SLC24A2: variants seen among roughly 807,000 people sequenced by gnomAD.
SLC24A2 encodes the protein sodium/potassium/calcium exchanger 2.
Under a neutral mutation model 62.0 loss-of-function variants are expected in SLC24A2, and 36 were observed. The ratio of observed to expected loss-of-function variants is 0.58; its 90% CI spans 0.44 to 0.77. The LOEUF (loss-of-function observed/expected upper bound fraction) is 0.77, where lower values mean the gene tolerates loss of function less well. Ranked by LOEUF, SLC24A2 falls within the 30% of genes least tolerant of loss-of-function variation. SLC24A2 has a pLI of 0.00. For missense variants in SLC24A2, 846 were observed against 817.9 expected, an observed-to-expected ratio of 1.03 and a Z score of -0.42; for synonymous variants, 358 against 294.0, an observed-to-expected ratio of 1.22 and a Z score of -2.23.
chr9:19,655,154 T>C (rs1048916238), intron 2 of SLC24A2, among the ~76,000 whole-genome samples: 4 of 152,204 alleles, frequency 2.6e-5, no homozygotes, highest in Non-Finnish European at 5.9e-5. Flanking sequence ...AATTCAGAAG[T>C]ATGGAAAAAT....
chr9:20,060,626 C>A, the SLC24A2 span, among the ~76,000 whole-genome samples: 1 of 151,968 alleles, frequency 6.6e-6, no homozygotes, highest in Non-Finnish European at 1.5e-5. Flanking sequence ...CTCAACAAAC[C>A]AGGAATAGAA....
chr9:20,262,743 C>T, the SLC24A2 span, among the ~76,000 whole-genome samples: 41 of 152,308 alleles, frequency 2.7e-4, no homozygotes, highest in South Asian at 8.3e-4. Context: ...CCCCTGGCTC[C>T]CTGAATGAAC....
the SLC24A2 span, among the ~76,000 whole-genome samples, chr9:19,819,459 C>G: frequency 0.84 from 127,363 of 152,088 alleles, 54,516 homozygotes; most frequent in Non-Finnish European, 0.94. Context: ...TCTGACAAAG[C>G]ACTAATACCA....
chr9:19,687,541 C>A (rs949263582), intron 2 of SLC24A2, among the ~76,000 whole-genome samples: 2 of 152,012 alleles, frequency 1.3e-5, no homozygotes, highest in Non-Finnish European at 2.9e-5. Context: ...TTCCTCACAC[C>A]GTTCACATTC....
At chr9:19,711,780 ATC>A (rs1275884640) in intron 2 of SLC24A2, among the ~76,000 whole-genome samples, 2 of 152,198 alleles carry the variant, frequency 1.3e-5, no homozygotes, top group Non-Finnish European at 2.9e-5. Context: ...TTAGAACAAA[ATC>A]TCTGTTGTGT....
chr9:19,608,903 T>C (rs1288592839), intron 4 of SLC24A2, among the ~76,000 whole-genome samples: 3 of 152,174 alleles, frequency 2.0e-5, no homozygotes, highest in African/African-American at 7.2e-5. Context: ...TGCCTGCTCA[T>C]CTCAAAGGAA....
chr9:20,270,369 G>A, the SLC24A2 span, among the ~76,000 whole-genome samples: 1 of 152,270 alleles, frequency 6.6e-6, no homozygotes, highest in East Asian at 1.9e-4. Context: ...ATAATGGTAA[G>A]GAGTTTCCTG....
intron 5 of SLC24A2, among the ~76,000 whole-genome samples, chr9:19,585,542 T>G (rs2132873460): frequency 1.3e-5 from 2 of 152,338 alleles, no homozygotes; most frequent in Non-Finnish European, 2.9e-5. Context: ...TATGTGTGCT[T>G]ATGGCTACTA....
the SLC24A2 span, among the ~76,000 whole-genome samples, chr9:20,167,929 T>C: frequency 6.6e-6 from 1 of 151,742 alleles, no homozygotes; most frequent in Non-Finnish European, 1.5e-5. Context: ...TTTTAGGCTT[T>C]ACCTCTCCCT....
the SLC24A2 span, among the ~76,000 whole-genome samples, chr9:20,127,310 A>G: frequency 3.3e-5 from 5 of 152,070 alleles, no homozygotes; most frequent in Non-Finnish European, 7.4e-5. Context: ...TGATTTTAAT[A>G]TTTTTTTGAA....
the SLC24A2 span, among the ~76,000 whole-genome samples, chr9:20,052,852 C>A: frequency 6.6e-6 from 1 of 152,114 alleles, no homozygotes; most frequent in East Asian, 1.9e-4. Flanking sequence ...TTAGAGACTT[C>A]CTGGGGCATC....
the SLC24A2 span, among the ~76,000 whole-genome samples, chr9:19,891,523 G>A: frequency 6.6e-6 from 1 of 152,132 alleles, no homozygotes; most frequent in Admixed American, 6.5e-5. Context: ...TGAAGGGGGA[G>A]AAAGCATGTC....
At chr9:19,581,005 G>T (rs564316586) in intron 5 of SLC24A2, among the ~76,000 whole-genome samples, 9 of 152,242 alleles carry the variant, frequency 5.9e-5, no homozygotes, top group Admixed American at 1.3e-4. Context: ...ACATTGTGTG[G>T]CATTGAAAGA....
intron 5 of SLC24A2, among the ~76,000 whole-genome samples, chr9:19,595,298 T>G (rs1013865716): frequency 3.3e-5 from 5 of 152,236 alleles, no homozygotes; most frequent in African/African-American, 1.2e-4. Flanking sequence ...TTTTCCTTGT[T>G]GTTGAAAAAT....
chr9:19,963,467 C>T, the SLC24A2 span, among the ~76,000 whole-genome samples: 4 of 150,590 alleles, frequency 2.7e-5, no homozygotes, highest in Non-Finnish European at 6.0e-5. Flanking sequence ...GCAACCTACT[C>T]ATCTGACAAA....
chr9:19,953,513 A>G, the SLC24A2 span, among the ~76,000 whole-genome samples: 1 of 151,988 alleles, frequency 6.6e-6, no homozygotes, highest in Non-Finnish European at 1.5e-5. Context: ...TTTTCATGAC[A>G]TAGGGCAGAT....
chr9:20,082,898 A>G, the SLC24A2 span, among the ~76,000 whole-genome samples: 1 of 152,250 alleles, frequency 6.6e-6, no homozygotes, highest in East Asian at 1.9e-4. Flanking sequence ...AGCTACCCAA[A>G]TAAAGCATTT....
chr9:19,733,675 T>C (rs1821407320), intron 2 of SLC24A2, among the ~76,000 whole-genome samples: 1 of 152,208 alleles, frequency 6.6e-6, no homozygotes, highest in Non-Finnish European at 1.5e-5. Flanking sequence ...GTTATAAAAA[T>C]AATCTTACTT....
At chr9:19,824,608 G>A in the SLC24A2 span, among the ~76,000 whole-genome samples, 1 of 152,198 alleles carries the variant, frequency 6.6e-6, no homozygotes, top group Admixed American at 6.5e-5. Context: ...GGAAGACAGT[G>A]TGGCGATTCC....
Sources: allele counts gnomAD v4.1 joint callset (sites outside exome capture counted in the v4.1 genomes callset), GRCh38; gene constraint gnomAD v4.1.1; transcripts MANE v1.5; gene names NCBI Gene and HGNC (gene_info 2026-07-23, HGNC 2026-07-21).